Variants in PRKCB observed in about 807,000 individuals in gnomAD.
PRKCB encodes the protein protein kinase C beta.
In PRKCB, 13 loss-of-function variants were observed where a neutral mutation model predicts 81.5. That is an observed-to-expected ratio of 0.16 (90% CI 0.10 to 0.25). The LOEUF is 0.25. PRKCB is among the 10% of genes least tolerant of loss of function. The probability of loss-of-function intolerance (pLI) is 1.00; values close to 1 mark genes in which losing one functional copy is unlikely to be tolerated. For missense variants in PRKCB, 509 were observed against 875.7 expected, an observed-to-expected ratio of 0.58 and a Z score of 5.29; for synonymous variants, 335 against 321.4, an observed-to-expected ratio of 1.04 and a Z score of -0.45.
intron 2 of PRKCB, among the ~76,000 whole-genome samples, chr16:23,981,861 C>T (rs1397238935): frequency 2.1e-4 from 1 of 4,654 alleles, no homozygotes; most frequent in African/African-American, 1.6e-3. Context: ...TCCCCTTCCC[C>T]TCCCCTTCCC....
intron 2 of PRKCB, among the ~76,000 whole-genome samples, chr16:23,864,652 G>A (rs1205826665): frequency 6.6e-6 from 1 of 152,224 alleles, no homozygotes; most frequent in Non-Finnish European, 1.5e-5. Flanking sequence ...AACGGAAGGT[G>A]GAGTTTGCTT....
chr16:23,890,425 G>T (rs1385465339), intron 2 of PRKCB, among the ~76,000 whole-genome samples: 1 of 152,120 alleles, frequency 6.6e-6, no homozygotes, highest in Non-Finnish European at 1.5e-5. Flanking sequence ...GGATGCCTTT[G>T]TTAGCCTAGC....
intron 16 of PRKCB, among the ~76,000 whole-genome samples, chr16:24,204,893 G>A (rs530774400): frequency 1.1e-4 from 17 of 152,132 alleles, no homozygotes; most frequent in South Asian, 8.3e-4. Flanking sequence ...AGGCCAAGGC[G>A]TGCAGATCAC....
intron 7 of PRKCB, chr16:24,111,006 A>C (rs930111346): frequency 2.0e-5 from 3 of 152,248 alleles, no homozygotes; most frequent in African/African-American, 7.2e-5. Context: ...CAAAGGTAGC[A>C]TCTGAATGGA....
intron 10 of PRKCB, among the ~76,000 whole-genome samples, chr16:24,156,635 T>C (rs1967163711): frequency 6.6e-6 from 1 of 152,130 alleles, no homozygotes; most frequent in South Asian, 2.1e-4. Context: ...AAGAAAAATA[T>C]TAAGTGAATG....
At chr16:23,901,820 G>C (rs1048949477) in intron 2 of PRKCB, among the ~76,000 whole-genome samples, 1 of 152,174 alleles carries the variant, frequency 6.6e-6, no homozygotes, top group Non-Finnish European at 1.5e-5. Context: ...CCCAACATTG[G>C]AGGCCATAAA....
rs948744166 is a variant in PRKCB, at chr16:23,958,434, A to G, written c.206-30074A>G. On this transcript the variant is annotated intron_variant, in intron 2 of 16. Coordinates refer to ENST00000643927, the MANE Select transcript of PRKCB (RefSeq NM_002738.7). The stretch of plus-strand genomic sequence containing the variant: ...ATTCTTCTGCCTCAGCCTCCTGAGT[A>G]GCTGGGACCACAGGCACCCACCACC... 1.3e-4 allele frequency among the ~76,000 whole-genome samples: 20 copies of G among 152,232 alleles called. No individual in the cohort carries two copies. The East Asian group carries it at 3.9e-3, about 29-fold the overall frequency.
intron 12 of PRKCB, among the ~76,000 whole-genome samples, chr16:24,177,063 A>T (rs567572541): frequency 1.0e-3 from 158 of 152,304 alleles, no homozygotes; most frequent in Non-Finnish European, 1.6e-3. Context: ...CCTATGTGGG[A>T]TGTGCCTCTA....
At chr16:24,181,789 A>AAAAAAAAAAAAAAAAAAAAAAAAG (rs1013403340) in intron 13 of PRKCB, among the ~76,000 whole-genome samples, 11 of 138,710 alleles carry the variant, frequency 7.9e-5, no homozygotes, top group South Asian at 5.1e-4. Flanking sequence ...AAAAAAAAAA[A>AAAAAAAAAAAAAAAAAAAAAAAAG]AAGAAGAAGA....
chr16:23,882,025 C>CTTTCTCTTTCTTTCTTTCTTT (rs1597226197), intron 2 of PRKCB, among the ~76,000 whole-genome samples: 7 of 18,356 alleles, frequency 3.8e-4, no homozygotes, highest in Non-Finnish European at 5.9e-4. Context: ...TTTCTTTCTT[C>CTTTCTCTTTCTTTCTTTCTTT]CTTCCTTCCT....
chr16:23,883,301 G>C (rs530645921), intron 2 of PRKCB, among the ~76,000 whole-genome samples: 38 of 152,282 alleles, frequency 2.5e-4, no homozygotes, highest in African/African-American at 8.2e-4. Flanking sequence ...ACTACAAGGT[G>C]GGGAGGAGCT....
chr16:23,981,712 T>TTCCCCTTCCCC (rs1964710630), intron 2 of PRKCB, among the ~76,000 whole-genome samples: 2 of 50,326 alleles, frequency 4.0e-5, no homozygotes, highest in African/African-American at 9.3e-5. Flanking sequence ...TCCCCTTCCC[T>TTCCCCTTCCCC]TTCCCTTCCC....
At chr16:24,021,838 T>C (rs1027768581) in intron 3 of PRKCB, among the ~76,000 whole-genome samples, 3 of 152,156 alleles carry the variant, frequency 2.0e-5, no homozygotes, top group African/African-American at 7.2e-5. Flanking sequence ...GGACATGACA[T>C]AGAGGACTCA....
At chr16:24,196,242 C>T (rs1375123855) in intron 16 of PRKCB, among the ~76,000 whole-genome samples, 1 of 152,130 alleles carries the variant, frequency 6.6e-6, no homozygotes, top group Non-Finnish European at 1.5e-5. Flanking sequence ...AGTGAATGGC[C>T]ATAGAACAAG....
chr16:24,042,690 C>CT (rs1261563276), intron 5 of PRKCB, among the ~76,000 whole-genome samples: 4,719 of 140,000 alleles, frequency 0.034, 256 homozygotes, highest in African/African-American at 0.11. Context: ...TGTAGGGTTT[C>CT]TTTTTTTTTT....
At chr16:24,017,417 A>G (rs1965293602) in intron 3 of PRKCB, among the ~76,000 whole-genome samples, 1 of 152,212 alleles carries the variant, frequency 6.6e-6, no homozygotes, top group South Asian at 2.1e-4. Flanking sequence ...AGAAAATATC[A>G]GGAAGGACTT....
At chr16:24,139,339 T>C (rs1966879439) in intron 9 of PRKCB, among the ~76,000 whole-genome samples, 2 of 152,114 alleles carry the variant, frequency 1.3e-5, no homozygotes. Flanking sequence ...AGTGTGAAAA[T>C]AGTAGTTCTC....
intron 2 of PRKCB, among the ~76,000 whole-genome samples, chr16:23,847,457 C>CATCT (rs2141079411): frequency 6.7e-6 from 1 of 149,138 alleles, no homozygotes; most frequent in Admixed American, 6.8e-5. Flanking sequence ...TCCATCCATC[C>CATCT]ATCCATCCAT....
At chr16:24,153,736 G>A (rs755570939) in intron 9 of PRKCB, among the ~76,000 whole-genome samples, 1 of 152,166 alleles carries the variant, frequency 6.6e-6, no homozygotes, top group Non-Finnish European at 1.5e-5. Flanking sequence ...TATGACCACA[G>A]CACAGCTCAT....
Sources: gnomAD v4.1 joint callset for allele counts (sites outside exome capture counted in the v4.1 genomes callset) on GRCh38, gnomAD v4.1.1 for gene constraint, MANE v1.5 for transcripts, NCBI Gene and HGNC (gene_info 2026-07-23, HGNC 2026-07-21) for gene names.